APBA2: variants seen among roughly 807,000 people sequenced by gnomAD.
APBA2 encodes the protein amyloid-beta A4 precursor protein-binding family A member 2.
In APBA2, 30 loss-of-function variants were observed where a neutral mutation model predicts 75.0. That is an observed-to-expected ratio of 0.40 (90% CI 0.30 to 0.54). APBA2 has a LOEUF of 0.54. Among genes scored for constraint, APBA2 ranks in the 20% least tolerant of loss-of-function variants. APBA2 has a pLI of 0.49. For missense variants in APBA2, 801 were observed against 1,016.1 expected (o/e 0.79, Z 2.88); for synonymous variants, 444 against 409.6 (o/e 1.08, Z -1.01).
At chr15:29,058,898 C>CAAACCTA (rs2042017250) in intron 4 of APBA2, among the ~76,000 whole-genome samples, 1 of 152,244 alleles carries the variant, frequency 6.6e-6, no homozygotes, top group African/African-American at 2.4e-5. Context: ...ATCAAAGAGA[C>CAAACCTA]AAACCTAGGT....
chr15:28,895,242 C>T (rs563280662), intron 1 of APBA2, among the ~76,000 whole-genome samples: 4 of 152,328 alleles, frequency 2.6e-5, no homozygotes, highest in East Asian at 1.9e-4. Context: ...TGGGTGACAG[C>T]GCAGGTGTGG....
At chr15:28,984,776 T>C (rs1002732858) in intron 2 of APBA2, among the ~76,000 whole-genome samples, 1 of 146,820 alleles carries the variant, frequency 6.8e-6, no homozygotes, top group South Asian at 2.2e-4. Context: ...CCCACTGCCA[T>C]CTCTGGAGTT....
chr15:28,896,157 G>A (rs1290236264), intron 1 of APBA2, among the ~76,000 whole-genome samples: 1 of 152,154 alleles, frequency 6.6e-6, no homozygotes, highest in African/African-American at 2.4e-5. Context: ...TTTGATGCGG[G>A]GGTTGGGGGT....
intron 13 of APBA2, among the ~76,000 whole-genome samples, chr15:29,112,983 CA>C (rs1342044690): frequency 1.6e-4 from 24 of 152,274 alleles, no homozygotes; most frequent in Admixed American, 1.6e-3. Context: ...CTGTTTCATG[CA>C]GCATAGTGTC....
At chr15:29,107,903 G>A (rs140358388) in intron 12 of APBA2, among the ~76,000 whole-genome samples, 7 of 152,292 alleles carry the variant, frequency 4.6e-5, no homozygotes, top group Admixed American at 2.6e-4. Context: ...TCCCGAATTC[G>A]GCATGATGAT....
chr15:28,993,358 A>C (rs1291923545), intron 2 of APBA2, among the ~76,000 whole-genome samples: 1 of 152,200 alleles, frequency 6.6e-6, no homozygotes, highest in African/African-American at 2.4e-5. Context: ...TGGAAACGAA[A>C]ATGAATATTT....
chr15:29,093,722 C>T (rs998054975), intron 7 of APBA2, among the ~76,000 whole-genome samples: 2 of 152,074 alleles, frequency 1.3e-5, no homozygotes, highest in African/African-American at 4.8e-5. Context: ...TAAATGGGGT[C>T]GGCGGGGAGG....
chr15:28,904,383 G>A (rs1566786130), intron 1 of APBA2, among the ~76,000 whole-genome samples: 1 of 152,264 alleles, frequency 6.6e-6, no homozygotes, highest in African/African-American at 2.4e-5. Context: ...CATTAAATTT[G>A]TTTAGAATGT....
intron 14 of APBA2, 113 bp from the exon 15 acceptor site, chr15:29,116,949 A>AGAT (rs2045214693): frequency 1.7e-6 from 2 of 1,147,370 alleles, no homozygotes; most frequent in South Asian, 2.4e-5. Flanking sequence ...TCACTCTAGG[A>AGAT]GATGGGCATT....
chr15:28,979,089 AGCACT>A (rs1257704688), intron 2 of APBA2, among the ~76,000 whole-genome samples: 4 of 152,206 alleles, frequency 2.6e-5, no homozygotes, highest in African/African-American at 9.6e-5. Context: ...CTGATCCCTG[AGCACT>A]GTGCCTGGAG....
chr15:28,983,344 T>C (rs898397551), intron 2 of APBA2, among the ~76,000 whole-genome samples: 1 of 152,184 alleles, frequency 6.6e-6, no homozygotes, highest in African/African-American at 2.4e-5. Context: ...AAAAGATATG[T>C]ATTTGTGGTG....
At chr15:28,941,685 G>T (rs1461723888) in intron 2 of APBA2, among the ~76,000 whole-genome samples, 1 of 152,194 alleles carries the variant, frequency 6.6e-6, no homozygotes, top group Non-Finnish European at 1.5e-5. Context: ...GGCTGGAGTG[G>T]CCGGTAGGGC....
chr15:28,926,432 A>G (rs2034264663), intron 2 of APBA2, among the ~76,000 whole-genome samples: 1 of 152,164 alleles, frequency 6.6e-6, no homozygotes, highest in Admixed American at 6.5e-5. Flanking sequence ...CTACCTTATA[A>G]CAGAATACTC....
In APBA2 at chr15:29,023,938, C is replaced by T. The variant is rs537380803; in HGVS notation, c.-41+28132C>T. ...TTTTTTTTTGAGATACAGTCTCGCT[C>T]TGTTGCCCAGGCTGGAGTACAGTGG... On this transcript the variant is annotated intron_variant, in intron 3 of 14. Transcript: ENST00000683413. Among the ~76,000 whole-genome samples the T allele has an allele frequency of 4.1e-5, 6 of 147,016 alleles. No homozygotes were observed. In the South Asian group the frequency reaches 1.3e-3, roughly 32 times the overall value.
At chr15:28,989,743 G>A (rs1211724230) in intron 2 of APBA2, among the ~76,000 whole-genome samples, 8 of 152,178 alleles carry the variant, frequency 5.3e-5, no homozygotes, top group Non-Finnish European at 8.8e-5. Context: ...CGGCCTTGGC[G>A]GGCTGTGTAC....
chr15:29,114,681 GT>G (rs2044957611), intron 14 of APBA2, among the ~76,000 whole-genome samples: 1 of 151,776 alleles, frequency 6.6e-6, no homozygotes, highest in Non-Finnish European at 1.5e-5. Context: ...GTAAGTGTGG[GT>G]AGGTGTGGGA....
chr15:28,953,996 AG>A (rs1267299596), intron 2 of APBA2, among the ~76,000 whole-genome samples: 2 of 152,228 alleles, frequency 1.3e-5, no homozygotes, highest in East Asian at 3.9e-4. Flanking sequence ...CCCACACAAC[AG>A]GCACCAAGCT....
rs1555401355 is a variant in APBA2, at chr15:29,052,454, C to CAAAAAAAAACAAAA, written c.-40-1382_-40-1381insCAAAAAAAAAAAAA. Among the ~76,000 whole-genome samples, 4 of 103,192 alleles carry CAAAAAAAAACAAAA rather than the reference C, an allele frequency of 3.9e-5. 1 individual carries two copies. Among genetic ancestry groups the CAAAAAAAAACAAAA allele is most frequent in the African/African-American group, 2.1e-4 (4 of 19,296 alleles). 67.7% of individuals were successfully genotyped at this position (103,192 alleles called of 152,430 possible). A position where few individuals can be genotyped will look rare whatever the true frequency, so the allele number is the denominator to read the frequency against. ...TGGGCGACAGAGCGAGACTCCATCT[C>CAAAAAAAAACAAAA]AAAAAAAAAAAAAAGAAGTAGAACG... On this transcript the variant is annotated intron_variant, in intron 3 of 14. Coordinates refer to ENST00000683413, the MANE Select transcript of APBA2 (RefSeq NM_001353788.2).
chr15:29,031,652 G>A (rs772174036), intron 3 of APBA2, among the ~76,000 whole-genome samples: 1 of 152,116 alleles, frequency 6.6e-6, no homozygotes, highest in African/African-American at 2.4e-5. Flanking sequence ...CTGCTGATTG[G>A]TGCATGTTAC....
Sources: gnomAD v4.1 joint callset for allele counts (sites outside exome capture counted in the v4.1 genomes callset) on GRCh38, gnomAD v4.1.1 for gene constraint, MANE v1.5 for transcripts, NCBI Gene and HGNC (gene_info 2026-07-23, HGNC 2026-07-21) for gene names.